The following HADHA variants were observed in gnomAD, a reference collection of about 807,000 sequenced individuals.
The protein encoded by HADHA is trifunctional enzyme subunit alpha, mitochondrial.
A neutral mutation model predicts 91.3 loss-of-function variants in HADHA; 59 were observed. The observed-to-expected ratio is 0.65, with a 90% CI of 0.52 to 0.80. The LOEUF is 0.80. Among genes scored for constraint, HADHA ranks in the 30% least tolerant of loss-of-function variants. HADHA has a pLI of 0.00. For synonymous variants in HADHA, 320 were observed against 338.9 expected (o/e 0.94, Z 0.61); for missense variants, 800 against 927.6 (o/e 0.86, Z 1.79).
intron 14 of HADHA, among the ~76,000 whole-genome samples, chr2:26,195,460 C>T (rs1014440384): frequency 4.6e-5 from 7 of 152,074 alleles, no homozygotes; most frequent in African/African-American, 7.2e-5. Flanking sequence ...TTTTTCACTA[C>T]AGACATCTGA....
At chr2:26,224,496 T>C (rs1670443402) in intron 7 of HADHA, among the ~76,000 whole-genome samples, 1 of 152,274 alleles carries the variant, frequency 6.6e-6, no homozygotes, top group Non-Finnish European at 1.5e-5. Flanking sequence ...TTTGTGTTTC[T>C]TCTCTATCTC....
At chr2:26,199,313 A>C (rs1669768993) in intron 13 of HADHA, 1 of 152,638 alleles carries the variant, frequency 6.6e-6, no homozygotes, top group African/African-American at 2.4e-5. Flanking sequence ...GGTTACAGTG[A>C]GCTGTGATCA....
At chr2:26,230,105 G>T in intron 7 of HADHA, 87 bp downstream of exon 7, 1 of 821,868 alleles carries the variant, frequency 1.2e-6, no homozygotes, top group Non-Finnish European at 2.1e-6. Context: ...TTACAGGTGT[G>T]AGCCACCGTG....
Position 26,191,096 on chromosome 2 carries a change from T to G in HADHA, c.*154A>C. The stretch of plus-strand genomic sequence containing the variant: ...GTCACACTTCACCAGGAGGGAGAGA[T>G]GGTCTTGGCTGAAGGCACTTTAATC... On this transcript the variant is annotated 3_prime_UTR_variant, in exon 20 of 20. Transcript: ENST00000380649. 1 of 724,044 alleles carries G rather than the reference T, an allele frequency of 1.4e-6. No homozygotes were observed. The highest frequency in any genetic ancestry group is 2.1e-5 in the Admixed American group (1 of 48,634). The allele number at this position is 724,044 out of a possible 1,614,324, so 44.9% of individuals were successfully genotyped here. A position where few individuals can be genotyped will look rare whatever the true frequency, so the allele number is the denominator to read the frequency against.
chr2:26,223,094 G>A (rs1670411150), intron 7 of HADHA, among the ~76,000 whole-genome samples: 1 of 152,118 alleles, frequency 6.6e-6, no homozygotes, highest in South Asian at 2.1e-4. Flanking sequence ...CCTGTCTAGA[G>A]GGCTCAGTTC....
rs149112045 is a variant in HADHA, at chr2:26,241,123, C to T, written c.68-1980G>A. ...AGCAAAGTAGAGAGAAACCTTTGCC[C>T]CACTTTTTAATCATCTTTGTAATGT... On this transcript the variant is annotated intron_variant, in intron 1 of 19. Transcript: ENST00000380649. Among the ~76,000 whole-genome samples, 608 of 152,200 alleles carry T rather than the reference C, an allele frequency of 4.0e-3. 4 individuals are homozygous for T. Among genetic ancestry groups the T allele is most frequent in the African/African-American group, 0.014 (587 of 41,530 alleles).
rs774114061 is a variant in HADHA at position 26,191,334 on chromosome 2, A to G, written c.2208T>C (p.Tyr736=). ...TGAACTGTTTTCCATAGGCAGCTTC[A>G]TATTTCTTGAGCCGGTCCACTATCT... ...AQKIVDRLKK[Y]EAAYGKQFTP... is the part of the protein sequence containing the mutation. The change falls in exon 20 of 20, where the codon TAT becomes TAC. Residue 736 remains tyrosine (Y), a synonymous_variant. Transcript: ENST00000380649. The G allele has an allele frequency of 3.1e-6, 5 of 1,614,132 alleles. No individual in the cohort carries two copies. Among genetic ancestry groups the G allele is most frequent in the Non-Finnish European group, 4.2e-6 (5 of 1,180,032 alleles).
intron 4 of HADHA, among the ~76,000 whole-genome samples, chr2:26,236,420 G>GTATATA (rs1553315922): frequency 0.019 from 2,239 of 116,492 alleles, 52 homozygotes; most frequent in East Asian, 0.041. Flanking sequence ...GTGTGTGTGT[G>GTATATA]TATATACTTT....
intron 6 of HADHA, among the ~76,000 whole-genome samples, chr2:26,231,895 G>C (rs1042628249): frequency 6.6e-6 from 1 of 151,522 alleles, no homozygotes; most frequent in African/African-American, 2.4e-5. Context: ...CTTGAACCTG[G>C]GAGGAGAAGG....
Position 26,204,212 on chromosome 2 carries a change from G to C in HADHA, c.1086-16C>G. On this transcript the variant is annotated splice_polypyrimidine_tract_variant and intron_variant, in intron 11 of 19. Transcript: ENST00000380649. ...AGCCAGATGCCTGCAAGGCAAGGATGAAATGACTTTCGGTAAACTGATCTT... is the reference window on the plus strand; with the variant it reads ...AGCCAGATGCCTGCAAGGCAAGGATCAAATGACTTTCGGTAAACTGATCTT... The C allele has an allele frequency of 6.2e-7, 1 of 1,613,032 alleles. No homozygotes were observed. The highest frequency in any genetic ancestry group is 1.1e-5 in the South Asian group (1 of 91,060).
rs1669532360 is a variant in HADHA, at chr2:26,192,348, A to C, written c.1962T>G (p.Ser654Arg). Residue 654 changes from serine to arginine, a missense_variant, in exon 18 of 20, where the codon AGT becomes AGG. Physicochemically the swap from Ser to Arg is moderately radical, Grantham distance 110. Coordinates refer to ENST00000380649, the MANE Select transcript of HADHA (RefSeq NM_000182.5). ...KRKDLNSDMD[S>R]ILASLKLPPK... ...GAGGCAGCTTCAGACTCGCTAAAAT[A>C]CTATCCATGTCAGAATTCAAATCCT... The C allele has an allele frequency of 6.2e-7, 1 of 1,608,304 alleles. No individual in the cohort carries two copies. The highest frequency in any genetic ancestry group is 8.5e-7 in the Non-Finnish European group (1 of 1,174,648).
chr2:26,239,046 C>T (rs758071496), intron 2 of HADHA, 42 bp from the exon 3 acceptor site: 19 of 1,556,494 alleles, frequency 1.2e-5, no homozygotes, highest in Non-Finnish European at 1.4e-5. Flanking sequence ...ATATTTATTG[C>T]AACATAAATC....
intron 7 of HADHA, among the ~76,000 whole-genome samples, chr2:26,217,391 A>C (rs772611636): frequency 2.0e-4 from 30 of 152,184 alleles, no homozygotes; most frequent in Admixed American, 5.2e-4. Context: ...AGACAGAAAA[A>C]TATTTGAAGA....
rs751007514 is a variant in HADHA, at chr2:26,204,593, T to G, written c.1086-397A>C. On this transcript the variant is annotated intron_variant, in intron 11 of 19. Coordinates refer to ENST00000380649, the MANE Select transcript of HADHA (RefSeq NM_000182.5). ...CTATCTGCCAGTCATCTTTCTTTCT[T>G]TTTTTGAGAGACATGGTTTTGCTCC... is the stretch of plus-strand genomic sequence containing the variant. 2.7e-4 allele frequency among the ~76,000 whole-genome samples: 41 copies of G among 152,218 alleles called. 1 individual carries two copies. Among genetic ancestry groups the G allele is most frequent in the Non-Finnish European group, 4.8e-4 (33 of 68,044 alleles).
intron 1 of HADHA, among the ~76,000 whole-genome samples, chr2:26,244,000 T>C (rs368850479): frequency 6.6e-6 from 1 of 151,992 alleles, no homozygotes; most frequent in Non-Finnish European, 1.5e-5. Context: ...ACTGCAAGAG[T>C]TGAGCTCCCT....
In HADHA at chr2:26,204,223, C is replaced by T. The variant is rs150014280; in HGVS notation, c.1086-27G>A. ...TGCAAGGCAAGGATGAAATGACTTT[C>T]GGTAAACTGATCTTAATCATTTCAG... On this transcript the variant is annotated intron_variant, in intron 11 of 19. Coordinates refer to ENST00000380649, the MANE Select transcript of HADHA (RefSeq NM_000182.5). The T allele has an allele frequency of 3.4e-3, 5,480 of 1,610,402 alleles. 14 individuals carry two copies. The highest frequency in any genetic ancestry group is 3.6e-3 in the Non-Finnish European group (4,262 of 1,176,594).
intron 4 of HADHA, among the ~76,000 whole-genome samples, chr2:26,236,359 GTATA>G (rs34905439): frequency 1.7e-3 from 228 of 137,918 alleles, no homozygotes; most frequent in African/African-American, 5.7e-3. Flanking sequence ...GTGTGTGTGT[GTATA>G]TATATATATA....
At chr2:26,233,913 T>G (rs1197802055) in intron 5 of HADHA, among the ~76,000 whole-genome samples, 2 of 152,138 alleles carry the variant, frequency 1.3e-5, no homozygotes, top group Non-Finnish European at 2.9e-5. Context: ...AAACCCCATC[T>G]CTACTAAAAA....
intron 13 of HADHA, among the ~76,000 whole-genome samples, chr2:26,199,853 A>T (rs115094330): frequency 0.011 from 1,743 of 152,262 alleles, 38 homozygotes; most frequent in African/African-American, 0.038. Flanking sequence ...ACTATGAGAG[A>T]TGTGGGGGAA....
Sources: allele counts gnomAD v4.1 joint callset (sites outside exome capture counted in the v4.1 genomes callset), GRCh38; gene constraint gnomAD v4.1.1; transcripts MANE v1.5; gene names NCBI Gene and HGNC (gene_info 2026-07-23, HGNC 2026-07-21).